DCLRE1C: variants seen among roughly 807,000 people sequenced by gnomAD.
DCLRE1C encodes the protein protein artemis.
Under a neutral mutation model 61.4 loss-of-function variants are expected in DCLRE1C, and 47 were observed. That is an observed-to-expected ratio of 0.77 (90% CI 0.61 to 0.98). DCLRE1C has a LOEUF of 0.98. Among genes scored for constraint, DCLRE1C ranks in the 50% least tolerant of loss-of-function variants. The pLI, the probability that DCLRE1C is intolerant of heterozygous loss-of-function variation, is 0.00. For missense variants in DCLRE1C, 858 were observed against 816.0 expected (o/e 1.05, Z -0.63); for synonymous variants, 337 against 287.6 (o/e 1.17, Z -1.74).
At chr10:14,949,332 A>G (rs930755524) in intron 1 of DCLRE1C, among the ~76,000 whole-genome samples, 4 of 152,216 alleles carry the variant, frequency 2.6e-5, no homozygotes, top group Non-Finnish European at 4.4e-5. Context: ...TGTGCATCAT[A>G]GGCCAGAGTT....
intron 11 of DCLRE1C, among the ~76,000 whole-genome samples, chr10:14,926,238 G>A (rs1837954366): frequency 6.6e-6 from 1 of 152,090 alleles, no homozygotes; most frequent in Non-Finnish European, 1.5e-5. Flanking sequence ...AGCCGAGAAC[G>A]TGCACGTCAG....
exon 14 of DCLRE1C, chr10:14,897,559 G>GT: frequency 7.0e-7 from 1 of 1,431,750 alleles, no homozygotes. Context: ...GACATGCAAG[G>GT]TTTATACTTT....
chr10:14,943,056 G>C (rs1188865516), intron 3 of DCLRE1C, among the ~76,000 whole-genome samples: 2 of 152,178 alleles, frequency 1.3e-5, no homozygotes, highest in Non-Finnish European at 2.9e-5. Context: ...GAACCGGTTA[G>C]ATGGAGGTTG....
exon 14 of DCLRE1C, chr10:14,899,013 A>G (rs1833800517): frequency 5.4e-6 from 3 of 556,102 alleles, no homozygotes; most frequent in South Asian, 5.2e-5. Flanking sequence ...CAGTGTTCCA[A>G]TGTACTGCTC....
intron 10 of DCLRE1C, 37 bp from the exon 11 acceptor site, chr10:14,926,934 T>C (rs1467392509): frequency 6.4e-7 from 1 of 1,574,702 alleles, no homozygotes; most frequent in Non-Finnish European, 8.7e-7. Flanking sequence ...AAAAGATCAC[T>C]GAGCAAAACT....
Position 14,908,360 on chromosome 10 carries a change from C to T in DCLRE1C, c.*48G>A. 1 of 1,382,248 alleles carries T rather than the reference C, an allele frequency of 7.2e-7. No individual in the cohort carries two copies. Among genetic ancestry groups the T allele is most frequent in the Non-Finnish European group, 1.0e-6 (1 of 972,750 alleles). The allele number at this position is 1,382,248 out of a possible 1,614,324, so 85.6% of individuals were successfully genotyped here. ...TCTATTGTAATATTGACTGTCATCT[C>T]TGTGCAGGTTTTTTAGTGGTTGCTC... On this transcript the variant is annotated 3_prime_UTR_variant, in exon 14 of 14. Transcript: ENST00000378278.
rs868413697 is a variant in DCLRE1C, at chr10:14,930,278, C to T, written c.781-2126G>A. On this transcript the variant is annotated intron_variant, in intron 9 of 13. Transcript: ENST00000378278. ...AGGCATGCACCACCACACTCAGCAC[C>T]TTTTTTTTTTTTTTTTTTTTTTTTT... is the stretch of plus-strand genomic sequence containing the variant. Among the ~76,000 whole-genome samples, 342 of 85,716 alleles carry T rather than the reference C, an allele frequency of 4.0e-3. 1 individual carries two copies. Among genetic ancestry groups the T allele is most frequent in the African/African-American group, 0.017 (324 of 19,190 alleles). The allele number at this position is 85,716 out of a possible 152,430, so 56.2% of individuals were successfully genotyped here.
At chr10:14,899,199 T>C (rs1399953248) in exon 14 of DCLRE1C, 1 of 701,948 alleles carries the variant, frequency 1.4e-6, no homozygotes, top group African/African-American at 1.7e-5. Context: ...TATGCACCTG[T>C]GATCCAGCTA....
exon 14 of DCLRE1C, chr10:14,898,952 G>A (rs1480388868): frequency 9.2e-6 from 4 of 435,088 alleles, no homozygotes; most frequent in Non-Finnish European, 1.6e-5. Flanking sequence ...GTCCTGTAGA[G>A]AGCTATAGTT....
At chr10:14,925,065 A>G (rs1364922088) in intron 11 of DCLRE1C, among the ~76,000 whole-genome samples, 24 of 151,986 alleles carry the variant, frequency 1.6e-4, no homozygotes, top group Non-Finnish European at 2.6e-4. Context: ...GTGGAAAGGC[A>G]GGAAGATCTA....
chr10:14,933,661 C>T (rs1208539857), intron 8 of DCLRE1C, among the ~76,000 whole-genome samples: 1 of 151,968 alleles, frequency 6.6e-6, no homozygotes, highest in Non-Finnish European at 1.5e-5. Context: ...AATCAAGAAT[C>T]ACCTTAAAGG....
chr10:14,910,174 A>G (rs1835013616), intron 13 of DCLRE1C, among the ~76,000 whole-genome samples: 1 of 152,260 alleles, frequency 6.6e-6, no homozygotes, highest in Non-Finnish European at 1.5e-5. Flanking sequence ...TCCAGCTCCC[A>G]TGTTCCCCGT....
At position 14,921,664 on chromosome 10, in the gene DCLRE1C, T is replaced by C. The variant is rs57131163; in HGVS notation, c.1061+1317A>G. ...CCTGGTAGTCCCCATATTATTTGAC[T>C]TCTCAAGACACTCCATGGGCACCCT... On this transcript the variant is annotated intron_variant, in intron 12 of 13. Transcript: ENST00000378278. Among the ~76,000 whole-genome samples the C allele has an allele frequency of 3.6e-3, 541 of 152,306 alleles. 3 individuals are homozygous for C. The highest frequency in any genetic ancestry group is 0.012 in the African/African-American group (510 of 41,548).
At chr10:14,934,571 C>A in intron 7 of DCLRE1C, 51 bp from the exon 8 acceptor site, 2 of 1,614,018 alleles carry the variant, frequency 1.2e-6, no homozygotes, top group Non-Finnish European at 1.7e-6. Flanking sequence ...CGCACATAGC[C>A]TTTTCCTTCC....
downstream of DCLRE1C, chr10:14,903,894 T>C (rs1834181708): frequency 6.6e-6 from 1 of 152,224 alleles, no homozygotes; most frequent in Admixed American, 6.5e-5. Flanking sequence ...TTTAGCTCTT[T>C]CTTGGGAGAA....
Position 14,908,450 on chromosome 10 carries a change from A to T in DCLRE1C, c.2037T>A (p.Ser679Arg). ...YLYEKLATGE[S>R]IAVKKRKCSL... ...AGCATTTTCTTTTTTTGACTGCTATACTCTCACCAGTTGCCAGCTTCTCAT... is the reference window on the plus strand; with the variant it reads ...AGCATTTTCTTTTTTTGACTGCTATTCTCTCACCAGTTGCCAGCTTCTCAT... Residue 679 changes from serine (S) to arginine (R), a missense_variant, in exon 14 of 14, where the codon AGT (serine) becomes AGA (arginine). Transcript: ENST00000378278. 1 of 1,613,458 alleles carries T rather than the reference A, an allele frequency of 6.2e-7. No homozygotes were observed. The highest frequency in any genetic ancestry group is 8.5e-7 in the Non-Finnish European group (1 of 1,179,892).
At chr10:14,948,923 T>C in intron 2 of DCLRE1C, 113 bp downstream of exon 2, 1 of 769,550 alleles carries the variant, frequency 1.3e-6, no homozygotes, top group Admixed American at 2.1e-5. Context: ...TTAATCTGGG[T>C]GATGCGTTCA....
At chr10:14,932,646 A>G (rs1409721259) in intron 9 of DCLRE1C, among the ~76,000 whole-genome samples, 2 of 152,184 alleles carry the variant, frequency 1.3e-5, no homozygotes, top group African/African-American at 4.8e-5. Context: ...AAAAAAAAAA[A>G]GTACAGATCT....
intron 11 of DCLRE1C, among the ~76,000 whole-genome samples, chr10:14,926,044 G>A (rs187488600): frequency 1.3e-4 from 20 of 152,322 alleles, no homozygotes; most frequent in Non-Finnish European, 2.5e-4. Context: ...GAAGAAGGAT[G>A]TGTTTGCTAT....
Sources: gnomAD v4.1 joint callset for allele counts (sites outside exome capture counted in the v4.1 genomes callset) on GRCh38, gnomAD v4.1.1 for gene constraint, MANE v1.5 for transcripts, NCBI Gene and HGNC (gene_info 2026-07-23, HGNC 2026-07-21) for gene names.